The following SORCS1 variants were observed in gnomAD, a reference collection of about 807,000 sequenced individuals.
SORCS1 encodes the protein sortilin related VPS10 domain containing receptor 1, also known as VPS10 domain-containing receptor SorCS1.
SORCS1 carries 60 observed loss-of-function variants against 146.1 expected under a neutral mutation model. The observed-to-expected ratio is 0.41, with a 90% confidence interval of 0.33 to 0.51. SORCS1 has a LOEUF of 0.51. Among genes scored for constraint, SORCS1 ranks in the 20% least tolerant of loss-of-function variants. The pLI, the probability that SORCS1 is intolerant of heterozygous loss-of-function variation, is 0.21. For synonymous variants in SORCS1, 637 were observed against 584.0 expected (o/e 1.09, Z -1.31); for missense variants, 1,352 against 1,487.6 (o/e 0.91, Z 1.50).
intron 1 of SORCS1, among the ~76,000 whole-genome samples, chr10:107,078,996 C>T (rs1294523833): frequency 6.6e-6 from 1 of 152,138 alleles, no homozygotes; most frequent in African/African-American, 2.4e-5. Context: ...GAGGCCAATG[C>T]AGGTAGATCA....
intron 2 of SORCS1, among the ~76,000 whole-genome samples, chr10:106,903,689 A>T (rs1951807531): frequency 6.6e-6 from 1 of 152,254 alleles, no homozygotes; most frequent in South Asian, 2.1e-4. Context: ...TTTAAATTAC[A>T]TTAATAACAA....
intron 24 of SORCS1, among the ~76,000 whole-genome samples, chr10:106,581,962 C>A (rs2133209246): frequency 6.6e-6 from 1 of 152,300 alleles, no homozygotes; most frequent in South Asian, 2.1e-4. Flanking sequence ...TCACTCCTAA[C>A]TAAATGCTCT....
intron 5 of SORCS1, among the ~76,000 whole-genome samples, chr10:106,756,097 C>T (rs1047275477): frequency 6.6e-6 from 1 of 151,686 alleles, no homozygotes; most frequent in African/African-American, 2.4e-5. Flanking sequence ...CCACTGCACT[C>T]CAGCCTGGGT....
intron 1 of SORCS1, among the ~76,000 whole-genome samples, chr10:106,996,097 A>C (rs1194175764): frequency 1.3e-5 from 2 of 151,924 alleles, no homozygotes; most frequent in Non-Finnish European, 2.9e-5. Context: ...AAAATTAGCC[A>C]GGCATGGTGG....
chr10:106,682,459 A>C (rs1476280779), intron 10 of SORCS1, among the ~76,000 whole-genome samples: 1 of 152,234 alleles, frequency 6.6e-6, no homozygotes, highest in Non-Finnish European at 1.5e-5. Context: ...ATATTTAAGG[A>C]AAAAACAGTG....
chr10:106,993,683 G>C (rs1956867732), intron 1 of SORCS1, among the ~76,000 whole-genome samples: 1 of 151,968 alleles, frequency 6.6e-6, no homozygotes, highest in Non-Finnish European at 1.5e-5. Context: ...ATGTATACAT[G>C]AGGGAAAAAA....
chr10:106,839,491 G>T (rs553441021), intron 2 of SORCS1, among the ~76,000 whole-genome samples: 23 of 152,276 alleles, frequency 1.5e-4, no homozygotes, highest in African/African-American at 5.5e-4. Flanking sequence ...GCAGAATTTG[G>T]TTCATGAGGA....
rs143819241 is a variant in SORCS1, at chr10:106,712,459, T to C, written c.1025-3118A>G. Among the ~76,000 whole-genome samples, 3 of 152,310 alleles carry C rather than the reference T, an allele frequency of 2.0e-5. No homozygotes were observed. In the East Asian group the frequency reaches 5.8e-4, roughly 29 times the overall value. On this transcript the variant is annotated intron_variant, in intron 6 of 25. Coordinates refer to ENST00000263054, the MANE Select transcript of SORCS1 (RefSeq NM_052918.5). ...CTCGGATAAAACAAATGTAACTTTC[T>C]CAAGTTTGAAGACTGGAAGGATCAA...
intron 1 of SORCS1, among the ~76,000 whole-genome samples, chr10:107,068,127 G>A (rs894454639): frequency 1.3e-5 from 2 of 152,118 alleles, no homozygotes; most frequent in African/African-American, 4.8e-5. Flanking sequence ...ATTGCTTTCA[G>A]TAATCATCAT....
At chr10:106,623,486 C>T (rs923894842) in intron 19 of SORCS1, among the ~76,000 whole-genome samples, 14 of 151,134 alleles carry the variant, frequency 9.3e-5, no homozygotes, top group African/African-American at 2.7e-4. Flanking sequence ...CCTTGTGATC[C>T]GCCCGCCTCG....
At chr10:107,109,438 T>C (rs542888553) in intron 1 of SORCS1, among the ~76,000 whole-genome samples, 94 of 152,310 alleles carry the variant, frequency 6.2e-4, no homozygotes, top group African/African-American at 2.1e-3. Context: ...CTTGCACCCT[T>C]TGAAGCAGTA....
At chr10:107,086,906 G>A (rs1963806100) in intron 1 of SORCS1, among the ~76,000 whole-genome samples, 1 of 152,198 alleles carries the variant, frequency 6.6e-6, no homozygotes, top group African/African-American at 2.4e-5. Context: ...GTGGGCACCT[G>A]TAGTCCCAGC....
At chr10:106,615,874 G>A (rs1847327094) in intron 21 of SORCS1, among the ~76,000 whole-genome samples, 1 of 152,116 alleles carries the variant, frequency 6.6e-6, no homozygotes. Flanking sequence ...CATGGGAGGT[G>A]CTTACAAACA....
At chr10:106,636,284 G>T (rs1225938138) in intron 18 of SORCS1, among the ~76,000 whole-genome samples, 3 of 151,950 alleles carry the variant, frequency 2.0e-5, no homozygotes, top group African/African-American at 7.3e-5. Flanking sequence ...AAATAGAAAA[G>T]GAAAACAATT....
chr10:106,766,862 G>T (rs181508752), intron 4 of SORCS1, among the ~76,000 whole-genome samples: 1 of 152,186 alleles, frequency 6.6e-6, no homozygotes, highest in Non-Finnish European at 1.5e-5. Context: ...AATTCACAGC[G>T]GGCTTTGTAA....
In SORCS1 at chr10:107,136,084, G is replaced by A. The variant is rs1967272981; in HGVS notation, c.558+27885C>T. On this transcript the variant is annotated intron_variant, in intron 1 of 25. Coordinates refer to ENST00000263054, the MANE Select transcript of SORCS1 (RefSeq NM_052918.5). ...GTCCATCAAGATGAAAGGAAAAGGT[G>A]GCCCTTGTTTAGTAGTAAAGAGTGC... Among the ~76,000 whole-genome samples the A allele has an allele frequency of 5.3e-5, 8 of 151,976 alleles. 1 individual carries two copies. The South Asian group carries it at 1.7e-3, about 32-fold the overall frequency.
At chr10:106,802,913 G>A (rs946559279) in intron 3 of SORCS1, among the ~76,000 whole-genome samples, 2 of 152,194 alleles carry the variant, frequency 1.3e-5, no homozygotes, top group African/African-American at 4.8e-5. Context: ...TTACAGGTGT[G>A]AGCCATCATG....
At chr10:107,157,603 A>G (rs1397925302) in intron 1 of SORCS1, among the ~76,000 whole-genome samples, 1 of 152,220 alleles carries the variant, frequency 6.6e-6, no homozygotes, top group Non-Finnish European at 1.5e-5. Context: ...TAGACACAAT[A>G]TCTTTCATAT....
chr10:107,072,565 A>G (rs1962524807), intron 1 of SORCS1, among the ~76,000 whole-genome samples: 1 of 152,122 alleles, frequency 6.6e-6, no homozygotes, highest in African/African-American at 2.4e-5. Context: ...ATTTATACAT[A>G]TATCTTCATA....
Sources: gnomAD v4.1 joint callset for allele counts (sites outside exome capture counted in the v4.1 genomes callset) on GRCh38, gnomAD v4.1.1 for gene constraint, MANE v1.5 for transcripts, NCBI Gene and HGNC (gene_info 2026-07-23, HGNC 2026-07-21) for gene names.